GLDC: variants seen among roughly 807,000 people sequenced by gnomAD.
GLDC encodes the protein glycine decarboxylase.
Under a neutral mutation model 121.3 loss-of-function variants are expected in GLDC, and 104 were observed. The ratio of observed to expected loss-of-function variants is 0.86; its 90% CI spans 0.73 to 1.01. The LOEUF (loss-of-function observed/expected upper bound fraction) is 1.01, where lower values mean the gene tolerates loss of function less well. Among genes scored for constraint, GLDC ranks in the 50% least tolerant of loss-of-function variants. GLDC has a pLI of 0.00. For missense variants in GLDC, 1,429 were observed against 1,306.6 expected (o/e 1.09, Z -1.44); for synonymous variants, 546 against 480.6 (o/e 1.14, Z -1.78).
intron 8 of GLDC, among the ~76,000 whole-genome samples, chr9:6,601,620 T>G (rs925407843): frequency 3.9e-5 from 6 of 152,088 alleles, no homozygotes; most frequent in Non-Finnish European, 8.8e-5. Flanking sequence ...TTTCTTTAAC[T>G]TTTTTTGTGG....
chr9:6,535,996 G>T, intron 23 of GLDC, 68 bp downstream of exon 23: 1 of 1,316,598 alleles, frequency 7.6e-7, no homozygotes, highest in Non-Finnish European at 1.1e-6. Flanking sequence ...GGGAGTTGCT[G>T]GTACACTGTC....
intron 7 of GLDC, among the ~76,000 whole-genome samples, chr9:6,603,657 T>C (rs1254695286): frequency 6.6e-6 from 1 of 152,058 alleles, no homozygotes; most frequent in African/African-American, 2.4e-5. Context: ...GTCAAAAACA[T>C]AATTTTTTTT....
intron 2 of GLDC, among the ~76,000 whole-genome samples, chr9:6,621,156 T>C (rs1819085062): frequency 6.6e-6 from 1 of 152,002 alleles, no homozygotes. Flanking sequence ...AGTGACAGAG[T>C]GAGACCCCCA....
At chr9:6,610,458 T>A in intron 3 of GLDC, 102 bp from the exon 4 acceptor site, 1 of 1,148,488 alleles carries the variant, frequency 8.7e-7, no homozygotes, top group Non-Finnish European at 1.3e-6. Context: ...AATTTGCCTA[T>A]CTTGAGGAGA....
intron 2 of GLDC, 73 bp from the exon 3 acceptor site, chr9:6,620,392 T>C: frequency 7.8e-7 from 1 of 1,289,790 alleles, no homozygotes. Flanking sequence ...TTTAAATCCC[T>C]CATTTTGTTT....
intron 15 of GLDC, among the ~76,000 whole-genome samples, chr9:6,581,719 G>C (rs1587941988): frequency 6.6e-6 from 1 of 152,134 alleles, no homozygotes; most frequent in Non-Finnish European, 1.5e-5. Flanking sequence ...GACTAAGAGT[G>C]GATAAAGGTT....
intron 15 of GLDC, among the ~76,000 whole-genome samples, chr9:6,570,770 C>T (rs950447318): frequency 6.7e-6 from 1 of 148,816 alleles, no homozygotes; most frequent in Non-Finnish European, 1.5e-5. Context: ...AAGAGAATCA[C>T]TTGAACCCAG....
intron 24 of GLDC, chr9:6,534,288 T>C: frequency 4.4e-6 from 1 of 229,498 alleles, no homozygotes. Flanking sequence ...ATACTATTAC[T>C]GCATAGATCC....
intron 2 of GLDC, among the ~76,000 whole-genome samples, chr9:6,629,691 C>T (rs1043802272): frequency 4.0e-5 from 6 of 151,634 alleles, no homozygotes; most frequent in African/African-American, 1.5e-4. Context: ...TTCTTTTGGC[C>T]TCAATTATAA....
intron 15 of GLDC, chr9:6,565,698 G>A (rs759071982): frequency 1.7e-4 from 103 of 591,574 alleles, no homozygotes; most frequent in Non-Finnish European, 2.5e-4. Context: ...TCAGGACCAC[G>A]CATTGAAAAT....
intron 2 of GLDC, among the ~76,000 whole-genome samples, chr9:6,641,575 C>G (rs1485184880): frequency 6.6e-6 from 1 of 152,152 alleles, no homozygotes; most frequent in African/African-American, 2.4e-5. Context: ...CCAGCTATGA[C>G]CTTGGGCAAG....
intron 15 of GLDC, among the ~76,000 whole-genome samples, chr9:6,576,115 T>C (rs1347856442): frequency 1.3e-5 from 2 of 152,246 alleles, no homozygotes; most frequent in African/African-American, 4.8e-5. Context: ...AAAGTTATCT[T>C]GACAAAATTT....
chr9:6,583,863 A>T (rs1818216679), intron 15 of GLDC, among the ~76,000 whole-genome samples: 2 of 152,202 alleles, frequency 1.3e-5, no homozygotes, highest in African/African-American at 4.8e-5. Context: ...GGGCCAGGGA[A>T]AAAGGGAAAG....
intron 21 of GLDC, among the ~76,000 whole-genome samples, chr9:6,544,464 C>T (rs1018448335): frequency 1.3e-5 from 2 of 152,092 alleles, no homozygotes; most frequent in Middle Eastern, 3.4e-3. Flanking sequence ...GCCAACATGG[C>T]GAAACCTCGT....
At chr9:6,611,360 A>G (rs1367194209) in intron 3 of GLDC, among the ~76,000 whole-genome samples, 1 of 152,204 alleles carries the variant, frequency 6.6e-6, no homozygotes, top group Non-Finnish European at 1.5e-5. Flanking sequence ...GATCGAGACC[A>G]TCCTGGCTAA....
intron 21 of GLDC, among the ~76,000 whole-genome samples, chr9:6,544,898 G>C (rs1817354706): frequency 6.6e-6 from 1 of 152,052 alleles, no homozygotes; most frequent in Non-Finnish European, 1.5e-5. Context: ...TCGGTAGTTT[G>C]AGACCAGCCT....
chr9:6,560,698 C>A, intron 16 of GLDC, among the ~76,000 whole-genome samples: 1 of 152,166 alleles, frequency 6.6e-6, no homozygotes, highest in South Asian at 2.1e-4. Flanking sequence ...CAGGTGAGTT[C>A]TGTTGAAACA....
At position 6,645,269 on chromosome 9, in the gene GLDC, C is replaced by G. The variant is rs549637212; in HGVS notation, c.231G>C (p.Glu77Asp). Residue 77 changes from glutamate (E) to aspartate (D), a missense_variant, in exon 1 of 25, where the codon GAG becomes GAC. Physicochemically the swap from Glu to Asp is conservative, Grantham distance 45 (BLOSUM62 2). Coordinates refer to ENST00000321612, the MANE Select transcript of GLDC (RefSeq NM_000170.3). ...HIGPGDKDQREMLQTLGLASI... is the reference protein window; with the variant it reads ...HIGPGDKDQRDMLQTLGLASI... The stretch of plus-strand genomic sequence containing the variant: ...CCGCCAGCCCCAAGGTCTGCAGCAT[C>G]TCTCTCTGGTCTTTGTCCCCAGGGC... 2.4e-5 allele frequency: 38 copies of G among 1,601,502 alleles called. No individual in the cohort carries two copies. The highest frequency in any genetic ancestry group is 1.8e-4 in the Middle Eastern group (1 of 5,618).
Position 6,616,702 on chromosome 9 carries a change from T to A in GLDC, c.470+3482A>T, listed in dbSNP as rs562227910. On this transcript the variant is annotated intron_variant, in intron 3 of 24. Coordinates refer to ENST00000321612, the MANE Select transcript of GLDC (RefSeq NM_000170.3). ...AATTCAACTGGTTTGTTCCTAAATA[T>A]ATTTTAACATATAAAAAGGTATCTG... Among the ~76,000 whole-genome samples the A allele has an allele frequency of 3.3e-5, 5 of 152,388 alleles. No homozygotes were observed. The South Asian group carries it at 1.0e-3, about 32-fold the overall frequency.
Sources: gnomAD v4.1 joint callset for allele counts (sites outside exome capture counted in the v4.1 genomes callset) on GRCh38, gnomAD v4.1.1 for gene constraint, MANE v1.5 for transcripts, NCBI Gene and HGNC (gene_info 2026-07-23, HGNC 2026-07-21) for gene names.